CALR: variants seen among roughly 807,000 people sequenced by gnomAD.
CALR encodes CRP55.
CALR carries 15 observed loss-of-function variants against 51.1 expected under a neutral mutation model. The observed-to-expected ratio is 0.29, with a 90% confidence interval of 0.20 to 0.45. The LOEUF (loss-of-function observed/expected upper bound fraction) is 0.45. Among genes scored for constraint, CALR ranks in the 20% least tolerant of loss-of-function variants. CALR has a pLI of 1.00. For missense variants in CALR, 477 were observed against 530.6 expected (o/e 0.90, Z 0.99); for synonymous variants, 239 against 205.9 (o/e 1.16, Z -1.38).
intron 1 of CALR, 178 bp downstream of exon 1, chr19:12,938,948 C>T (rs1257123633): frequency 6.8e-6 from 5 of 731,698 alleles, no homozygotes; most frequent in Non-Finnish European, 9.8e-6. Context: ...AGCGGCCTCC[C>T]GCGGCGGGAG....
rs751538049 is a variant in CALR at position 12,940,577 on chromosome 19, G to A, written c.739G>A (p.Ala247Thr). 2.5e-6 allele frequency: 4 copies of A among 1,614,164 alleles called. No homozygotes were observed. Among genetic ancestry groups the A allele is most frequent in the Non-Finnish European group, 8.5e-7 (1 of 1,180,024 alleles). Reference protein sequence around the residue: ...DKPEHIPDPDAKKPEDWDEEM... With the variant: ...DKPEHIPDPDTKKPEDWDEEM... ...GCCCGAGCATATCCCTGACCCTGAT[G>A]CTAAGAAGCCCGAGGACTGGGATGA... The change falls in exon 6 of 9, where the codon GCT becomes ACT. Residue 247 changes from alanine to threonine, a missense_variant. Physicochemically the swap from Ala to Thr is moderately conservative, Grantham distance 58. Transcript: ENST00000316448.
Position 12,943,778 on chromosome 19 carries a change from CAAG to C in CALR, c.1122_1124del (p.Lys375del), listed in dbSNP as rs761039756. ...AGAGGCTTAAGGAGGAGGAAGAAGA[CAAG>C]AAACGCAAAGAGGAGGAGGAGGCAG... On this transcript the variant is annotated inframe_deletion, in exon 9 of 9. Transcript: ENST00000316448. 1.0e-4 allele frequency: 163 copies of C among 1,600,558 alleles called. No individual in the cohort carries two copies. Among genetic ancestry groups the C allele is most frequent in the Non-Finnish European group, 5.3e-5 (62 of 1,173,366 alleles).
chr19:12,943,602 T>C lies in CALR; in HGVS notation c.1026T>C (p.Phe342=), dbSNP rs752186989. ...ACGATGAGGCATACGCTGAGGAGTT[T>C]GGCAACGAGACGTGGGGCGTAACAA... The part of the protein sequence containing the change: ...ITNDEAYAEE[F]GNETWGVTKA... Residue 342 remains phenylalanine, a synonymous_variant, in exon 8 of 9, where the codon TTT becomes TTC. Transcript: ENST00000316448. 3.1e-6 allele frequency: 5 copies of C among 1,614,136 alleles called. No individual in the cohort carries two copies. In the South Asian group the frequency reaches 5.5e-5, roughly 18 times the overall value.
chr19:12,944,008 A>G lies in CALR; in HGVS notation c.*95A>G. 6.5e-7 allele frequency: 1 copy of G among 1,548,856 alleles called. No individual in the cohort carries two copies. The highest frequency in any genetic ancestry group is 8.7e-7 in the Non-Finnish European group (1 of 1,146,324). On this transcript the variant is annotated 3_prime_UTR_variant, in exon 9 of 9. Coordinates refer to ENST00000316448, the MANE Select transcript of CALR (RefSeq NM_004343.4). ...GTCTCTGTGAGACTCGAGAACTTTC[A>G]TTTTTTTCCAGGCTGGTTCGGATTT...
At position 12,939,115 on chromosome 19, in the gene CALR, C is replaced by G. The variant is rs757441739; in HGVS notation, c.92-19C>G. 6.8e-7 allele frequency: 1 copy of G among 1,480,356 alleles called. No homozygotes were observed. Among genetic ancestry groups the G allele is most frequent in the South Asian group, 1.2e-5 (1 of 85,124 alleles). 91.7% of individuals were successfully genotyped at this position (1,480,356 alleles called of 1,614,324 possible). A position where few individuals can be genotyped will look rare whatever the true frequency, so the allele number is the denominator to read the frequency against. The stretch of plus-strand genomic sequence containing the variant: ...ATTAGCACAGCCGCTCTGACCTACC[C>G]CTCTAATCCCCCACTTAGACGGGTG... On this transcript the variant is annotated intron_variant, in intron 1 of 8. Transcript: ENST00000316448.
rs368896588 is a variant in CALR at position 12,940,907 on chromosome 19, G to A, written c.960+20G>A. 9.3e-6 allele frequency: 15 copies of A among 1,613,696 alleles called. No homozygotes were observed. The highest frequency in any genetic ancestry group is 1.3e-5 in the Non-Finnish European group (15 of 1,179,612). On this transcript the variant is annotated intron_variant, in intron 7 of 8. Transcript: ENST00000316448. The stretch of plus-strand genomic sequence containing the variant: ...TGGCAGGTGAGACTTGGAGGAAAAA[G>A]GAGGATCCCTGGGGTACCTCAAGTG...
chr19:12,938,743 T>C lies in CALR; in HGVS notation c.64T>C (p.Tyr22His). Reference sequence around the variant, plus strand: ...CCTGGCCGTCGCCGAGCCTGCCGTCTACTTCAAGGAGCAGTTTCTGGACGG... The same window carrying C: ...CCTGGCCGTCGCCGAGCCTGCCGTCCACTTCAAGGAGCAGTTTCTGGACGG... ...LGLAVAEPAV[Y>H]FKEQFLDGDG... Residue 22 changes from tyrosine to histidine, a missense_variant, in exon 1 of 9, where the codon TAC becomes CAC. Coordinates refer to ENST00000316448, the MANE Select transcript of CALR (RefSeq NM_004343.4). 1 of 1,611,712 alleles carries C rather than the reference T, an allele frequency of 6.2e-7. No individual in the cohort carries two copies. The highest frequency in any genetic ancestry group is 8.5e-7 in the Non-Finnish European group (1 of 1,179,402).
intron 7 of CALR, among the ~76,000 whole-genome samples, chr19:12,941,760 G>A (rs1971550752): frequency 6.7e-6 from 1 of 149,806 alleles, no homozygotes; most frequent in Non-Finnish European, 1.5e-5. Flanking sequence ...TGGGATTACA[G>A]GCGTGAGCCA....
intron 7 of CALR, among the ~76,000 whole-genome samples, chr19:12,941,995 C>T (rs774925968): frequency 1.3e-5 from 2 of 152,076 alleles, no homozygotes; most frequent in African/African-American, 2.4e-5. Context: ...CCTGGGGCAT[C>T]GAGGCTGCAG....
chr19:12,939,883 A>C (rs1483147024), intron 3 of CALR, among the ~76,000 whole-genome samples, 170 bp from the exon 4 acceptor site: 2 of 151,538 alleles, frequency 1.3e-5, no homozygotes, highest in African/African-American at 2.4e-5. Context: ...TCTCCTTTAA[A>C]CTTAAGGCTC....
rs200173883 is a variant in CALR at position 12,940,397 on chromosome 19, C to T, written c.647C>T (p.Pro216Leu). ...ATAAAGGATCCTGATGCTTCAAAAC[C>T]GGAAGACTGGGATGAGCGGGCCAAG... The part of the protein sequence containing the change: ...KKIKDPDASK[P>L]EDWDERAKID... Residue 216 changes from proline (P) to leucine (L), a missense_variant, in exon 5 of 9, where the codon CCG becomes CTG. Physicochemically the swap from Pro to Leu is moderately conservative, Grantham distance 98 (BLOSUM62 -3). Coordinates refer to ENST00000316448, the MANE Select transcript of CALR (RefSeq NM_004343.4). 85 of 1,614,010 alleles carry T rather than the reference C, an allele frequency of 5.3e-5. No individual in the cohort carries two copies. The highest frequency in any genetic ancestry group is 6.4e-5 in the Non-Finnish European group (75 of 1,180,040).
intron 6 of CALR, 41 bp from the exon 7 acceptor site, chr19:12,940,703 C>T: frequency 6.2e-7 from 1 of 1,614,068 alleles, no homozygotes; most frequent in Non-Finnish European, 8.5e-7. Context: ...GGGGAGTGCA[C>T]CAACCTTACT....
intron 1 of CALR, 34 bp from the exon 2 acceptor site, chr19:12,939,100 C>A: frequency 1.6e-6 from 2 of 1,274,746 alleles, no homozygotes; most frequent in Admixed American, 1.9e-5. Context: ...ATTAGCACAG[C>A]CGCTCTGACC....
chr19:12,943,147 C>T (rs1012090261), intron 7 of CALR: 2 of 203,144 alleles, frequency 9.8e-6, no homozygotes, highest in Admixed American at 5.8e-5. Context: ...TGCAGTGGCA[C>T]GATCTTGGCT....
intron 7 of CALR, among the ~76,000 whole-genome samples, chr19:12,942,468 G>C (rs1971562064): frequency 1.3e-5 from 2 of 152,146 alleles, no homozygotes; most frequent in South Asian, 2.1e-4. Flanking sequence ...AAAAATACCT[G>C]AATAAGAGAG....
rs778287096 is a variant in CALR, at chr19:12,938,763, G to A, written c.84G>A (p.Leu28=). 2.5e-6 allele frequency: 4 copies of A among 1,609,632 alleles called. No individual in the cohort carries two copies. The East Asian group carries it at 6.7e-5, about 27-fold the overall frequency. Residue 28 remains leucine, a synonymous_variant, in exon 1 of 9, where the codon CTG becomes CTA. Transcript: ENST00000316448. The part of the protein sequence containing the change: ...EPAVYFKEQF[L]DGDGWTSRWI... ...CCGTCTACTTCAAGGAGCAGTTTCT[G>A]GACGGAGGTAACGCCTGGTCCCGCC...
At position 12,944,325 on chromosome 19, in the gene CALR, C is replaced by T. The variant is rs976427385; in HGVS notation, c.*412C>T. On this transcript the variant is annotated 3_prime_UTR_variant, in exon 9 of 9. Transcript: ENST00000316448. Reference sequence around the variant, plus strand: ...GCAGAAGGGGGTGGTGTCTCCAACCCCCCAGCACTGAGGAAGAACGGGGCT... The same window carrying T: ...GCAGAAGGGGGTGGTGTCTCCAACCTCCCAGCACTGAGGAAGAACGGGGCT... The T allele has an allele frequency of 2.7e-5, 9 of 330,586 alleles. No individual in the cohort carries two copies. The highest frequency in any genetic ancestry group is 1.7e-4 in the African/African-American group (8 of 47,604). 20.5% of individuals were successfully genotyped at this position (330,586 alleles called of 1,614,324 possible). A position where few individuals can be genotyped will look rare whatever the true frequency, so the allele number is the denominator to read the frequency against.
chr19:12,939,230 A>G lies in CALR; in HGVS notation c.188A>G (p.Asp63Gly). ...AAGTTCTACGGTGACGAGGAGAAAG[A>G]TAAAGGTAAGAGCCTAGGAGTGGGT... ...SGKFYGDEEK[D>G]KGLQTSQDAR... Residue 63 changes from aspartate (D) to glycine (G), a missense_variant, in exon 2 of 9, where the codon GAT (aspartate) becomes GGT (glycine). Physicochemically the swap from Asp to Gly is moderately conservative, Grantham distance 94 (BLOSUM62 -1). Transcript: ENST00000316448. 1 of 1,606,698 alleles carries G rather than the reference A, an allele frequency of 6.2e-7. No individual in the cohort carries two copies. Among genetic ancestry groups the G allele is most frequent in the Non-Finnish European group, 8.5e-7 (1 of 1,175,488 alleles).
chr19:12,941,565 C>T (rs1004653722), intron 7 of CALR, among the ~76,000 whole-genome samples: 3 of 151,430 alleles, frequency 2.0e-5, no homozygotes, highest in Non-Finnish European at 2.9e-5. Flanking sequence ...TCCGCACGAC[C>T]CCCCAGGTTC....
Sources: allele counts gnomAD v4.1 joint callset (sites outside exome capture counted in the v4.1 genomes callset), GRCh38; gene constraint gnomAD v4.1.1; transcripts MANE v1.5; gene names NCBI Gene and HGNC (gene_info 2026-07-23, HGNC 2026-07-21).